The following HSPBAP1 variants were observed in gnomAD, a reference collection of about 807,000 sequenced individuals.
HSPBAP1 encodes HSPB1 associated protein 1.
HSPBAP1 carries 27 observed loss-of-function variants against 45.2 expected under a neutral mutation model. That is an observed-to-expected ratio of 0.60 (90% CI 0.44 to 0.82). The LOEUF (loss-of-function observed/expected upper bound fraction) is 0.82, where lower values mean the gene tolerates loss of function less well. Ranked by LOEUF, HSPBAP1 falls within the 40% of genes least tolerant of loss-of-function variation. The probability of loss-of-function intolerance (pLI) is 0.00; values close to 1 mark genes in which losing one functional copy is unlikely to be tolerated. For missense variants in HSPBAP1, 510 were observed against 590.9 expected, an observed-to-expected ratio of 0.86 and a Z score of 1.42; for synonymous variants, 204 against 202.7, an observed-to-expected ratio of 1.01 and a Z score of -0.06.
chr3:122,766,928 G>A (rs1247477857), intron 3 of HSPBAP1, among the ~76,000 whole-genome samples: 1 of 152,134 alleles, frequency 6.6e-6, no homozygotes. Context: ...CATGATCAAT[G>A]TTACTATTAA....
At chr3:122,746,798 G>A (rs1051638739) in intron 6 of HSPBAP1, among the ~76,000 whole-genome samples, 38 of 152,244 alleles carry the variant, frequency 2.5e-4, no homozygotes, top group East Asian at 1.4e-3. Flanking sequence ...GATTGCAGGC[G>A]CGCGCCGCCA....
chr3:122,787,494 C>G (rs1417937825), intron 1 of HSPBAP1, among the ~76,000 whole-genome samples: 2 of 152,118 alleles, frequency 1.3e-5, no homozygotes, highest in Admixed American at 1.3e-4. Context: ...ACTTGTCTCT[C>G]ATCAGATATA....
At chr3:122,747,612 C>T in intron 6 of HSPBAP1, among the ~76,000 whole-genome samples, 1 of 147,458 alleles carries the variant, frequency 6.8e-6, no homozygotes, top group Non-Finnish European at 1.5e-5. Context: ...CGGCCAGCCG[C>T]CCCATCTGGG....
rs546081861 is a variant in HSPBAP1, at chr3:122,786,084, A to T, written c.64+7533T>A. Among the ~76,000 whole-genome samples, 4 of 152,256 alleles carry T rather than the reference A, an allele frequency of 2.6e-5. No homozygotes were observed. In the South Asian group the frequency reaches 8.3e-4, roughly 32 times the overall value. On this transcript the variant is annotated intron_variant, in intron 1 of 7. Coordinates refer to ENST00000306103, the MANE Select transcript of HSPBAP1 (RefSeq NM_024610.6). ...ATGCAAATATGTTCATCTTTGTGCT[A>T]CTGAACCAACTACTACCTCCTGAAT... is the stretch of plus-strand genomic sequence containing the variant.
intron 1 of HSPBAP1, among the ~76,000 whole-genome samples, chr3:122,782,665 A>G (rs1007075779): frequency 3.9e-5 from 6 of 152,188 alleles, no homozygotes; most frequent in Admixed American, 1.3e-4. Context: ...CTCAAAATAT[A>G]TATTTATGAT....
At chr3:122,743,749 A>G (rs1933752737) in intron 6 of HSPBAP1, among the ~76,000 whole-genome samples, 1 of 152,238 alleles carries the variant, frequency 6.6e-6, no homozygotes, top group Non-Finnish European at 1.5e-5. Flanking sequence ...GGATAGATGG[A>G]CAGATAATGT....
chr3:122,770,701 AAAAAAAC>A (rs1466169599), intron 2 of HSPBAP1, among the ~76,000 whole-genome samples: 2 of 152,138 alleles, frequency 1.3e-5, no homozygotes, highest in South Asian at 2.1e-4. Flanking sequence ...ATCCTGTCTC[AAAAAAAC>A]AAAAAACAAA....
intron 5 of HSPBAP1, chr3:122,753,080 A>G: frequency 4.5e-6 from 3 of 673,058 alleles, no homozygotes; most frequent in Non-Finnish European, 3.7e-6. Context: ...AGCCAATGAG[A>G]AGATAAAGTA....
Position 122,751,054 on chromosome 3 carries a change from T to C in HSPBAP1, c.825+1537A>G, listed in dbSNP as rs115711375. 9.0e-3 allele frequency among the ~76,000 whole-genome samples: 1,371 copies of C among 152,300 alleles called. 9 individuals are homozygous for C. The highest frequency in any genetic ancestry group is 0.016 in the Non-Finnish European group (1,079 of 68,018). Reference sequence around the variant, plus strand: ...AGTTGAATATGAAACTAAAGTGAGATGAGATTACTTAAAAAACTAACCCAA... The same window carrying C: ...AGTTGAATATGAAACTAAAGTGAGACGAGATTACTTAAAAAACTAACCCAA... On this transcript the variant is annotated intron_variant, in intron 6 of 7. Coordinates refer to ENST00000306103, the MANE Select transcript of HSPBAP1 (RefSeq NM_024610.6).
chr3:122,766,763 T>C (rs1194651952), intron 3 of HSPBAP1, among the ~76,000 whole-genome samples: 20 of 152,248 alleles, frequency 1.3e-4, no homozygotes, highest in Admixed American at 1.3e-3. Flanking sequence ...GCAGACTATT[T>C]GGGTTACCCC....
chr3:122,752,867 T>C (rs1252362912), intron 5 of HSPBAP1, 193 bp from the exon 6 acceptor site: 10 of 1,350,134 alleles, frequency 7.4e-6, no homozygotes, highest in Middle Eastern at 2.5e-4. Context: ...TATTGACAAG[T>C]TCACATGTTC....
chr3:122,772,777 T>G (rs562003386), intron 2 of HSPBAP1, among the ~76,000 whole-genome samples: 1 of 152,134 alleles, frequency 6.6e-6, no homozygotes, highest in African/African-American at 2.4e-5. Context: ...AATATAAAAC[T>G]GTGAAGCTAA....
intron 1 of HSPBAP1, among the ~76,000 whole-genome samples, chr3:122,780,878 G>C (rs1219092714): frequency 8.3e-6 from 1 of 120,786 alleles, no homozygotes; most frequent in African/African-American, 2.7e-5. Flanking sequence ...TCCCAGACGG[G>C]GTCGCGGCCG....
chr3:122,740,030 A>C lies in HSPBAP1; in HGVS notation c.*315T>G. The C allele has an allele frequency of 5.6e-6, 1 of 178,572 alleles. No individual in the cohort carries two copies. The highest frequency in any genetic ancestry group is 1.2e-5 in the Non-Finnish European group (1 of 86,100). The allele number at this position is 178,572 out of a possible 1,614,324, so 11.1% of individuals were successfully genotyped here. On this transcript the variant is annotated 3_prime_UTR_variant, in exon 8 of 8. Coordinates refer to ENST00000306103, the MANE Select transcript of HSPBAP1 (RefSeq NM_024610.6). ...CTAGTAAAATTTTATTTGCAAAAGT[A>C]AGCAGCCGGTTGGTCCCTGGTTGAG...
intron 1 of HSPBAP1, among the ~76,000 whole-genome samples, chr3:122,785,333 A>G (rs1935617905): frequency 6.6e-6 from 1 of 152,140 alleles, no homozygotes; most frequent in Non-Finnish European, 1.5e-5. Context: ...AGGTCCATCT[A>G]TGCACTTCCT....
intron 3 of HSPBAP1, among the ~76,000 whole-genome samples, chr3:122,766,851 A>G (rs1459463247): frequency 1.3e-5 from 2 of 152,266 alleles, no homozygotes; most frequent in African/African-American, 4.8e-5. Context: ...GACAATTATT[A>G]AATCATAGAG....
At chr3:122,752,500 A>T in intron 6 of HSPBAP1, 91 bp downstream of exon 6, 1 of 712,082 alleles carries the variant, frequency 1.4e-6, no homozygotes, top group Non-Finnish European at 2.3e-6. Flanking sequence ...AAAAAAAATT[A>T]ATTACCCAGT....
At chr3:122,767,134 G>C (rs1027074277) in intron 3 of HSPBAP1, among the ~76,000 whole-genome samples, 1 of 152,172 alleles carries the variant, frequency 6.6e-6, no homozygotes, top group Non-Finnish European at 1.5e-5. Flanking sequence ...ATTTAAAAAT[G>C]AGTAAATAGT....
chr3:122,792,731 G>C (rs534354319), intron 1 of HSPBAP1, among the ~76,000 whole-genome samples: 2 of 152,098 alleles, frequency 1.3e-5, no homozygotes, highest in East Asian at 3.9e-4. Context: ...AAATTAGCTG[G>C]GCGTGGTGGC....
Sources: allele counts gnomAD v4.1 joint callset (sites outside exome capture counted in the v4.1 genomes callset), GRCh38; gene constraint gnomAD v4.1.1; transcripts MANE v1.5; gene names NCBI Gene and HGNC (gene_info 2026-07-23, HGNC 2026-07-21).